Variants in DTNA observed in about 807,000 individuals in gnomAD.
The protein encoded by DTNA is dystrophin-related protein 3.
A neutral mutation model predicts 100.7 loss-of-function variants in DTNA; 43 were observed. The ratio of observed to expected loss-of-function variants is 0.43; its 90% CI spans 0.33 to 0.55. The LOEUF is 0.55. Ranked by LOEUF, DTNA falls within the 20% of genes least tolerant of loss-of-function variation. DTNA has a pLI of 0.04. For missense variants in DTNA, 798 were observed against 953.9 expected, an observed-to-expected ratio of 0.84 and a Z score of 2.15; for synonymous variants, 349 against 347.9, an observed-to-expected ratio of 1.00 and a Z score of -0.04.
At chr18:34,783,108 T>C (rs1004210595) in intron 3 of DTNA, among the ~76,000 whole-genome samples, 5 of 152,360 alleles carry the variant, frequency 3.3e-5, no homozygotes, top group East Asian at 3.9e-4. Context: ...TTAGTTATCA[T>C]TCAGATCTGT....
intron 1 of DTNA, among the ~76,000 whole-genome samples, chr18:34,580,338 TC>T (rs1325751028): frequency 6.6e-6 from 1 of 152,170 alleles, no homozygotes; most frequent in Non-Finnish European, 1.5e-5. Context: ...ATTTTTTATT[TC>T]ATAGTCACAT....
At chr18:34,807,907 G>A (rs1222557545) in intron 5 of DTNA, among the ~76,000 whole-genome samples, 1 of 140,680 alleles carries the variant, frequency 7.1e-6, no homozygotes, top group Non-Finnish European at 1.5e-5. Flanking sequence ...AGTAATCCTC[G>A]GGCATTTCCT....
chr18:34,606,839 CTG>C (rs2053221940), intron 1 of DTNA, among the ~76,000 whole-genome samples: 1 of 152,028 alleles, frequency 6.6e-6, no homozygotes, highest in South Asian at 2.1e-4. Flanking sequence ...AGGGTGAACT[CTG>C]AGGCTAAAAT....
chr18:34,634,172 C>T (rs960528081), intron 1 of DTNA, among the ~76,000 whole-genome samples: 60 of 152,200 alleles, frequency 3.9e-4, no homozygotes, highest in African/African-American at 1.4e-3. Context: ...TTTTTCATCA[C>T]GTTTTCTCGA....
chr18:34,886,996 G>A (rs1162107098), intron 22 of DTNA, among the ~76,000 whole-genome samples: 1 of 152,124 alleles, frequency 6.6e-6, no homozygotes, highest in African/African-American at 2.4e-5. Context: ...AAGTATATGT[G>A]TCTCTTATCC....
At chr18:34,533,586 T>A (rs1403664206) in intron 1 of DTNA, among the ~76,000 whole-genome samples, 1 of 152,010 alleles carries the variant, frequency 6.6e-6, no homozygotes, top group African/African-American at 2.4e-5. Context: ...AAGATTTGAG[T>A]TGAAGTGTTG....
chr18:34,781,267 AGAG>A (rs1160940680), intron 3 of DTNA, among the ~76,000 whole-genome samples: 2 of 152,224 alleles, frequency 1.3e-5, no homozygotes, highest in Non-Finnish European at 2.9e-5. Flanking sequence ...TAATTGAAAA[AGAG>A]TAGTATACAT....
chr18:34,561,063 A>G (rs2046590007), intron 1 of DTNA, among the ~76,000 whole-genome samples: 1 of 152,228 alleles, frequency 6.6e-6, no homozygotes, highest in African/African-American at 2.4e-5. Flanking sequence ...TGTTAATTAT[A>G]ATCTGCACAA....
rs542835016 is a variant in DTNA, at chr18:34,891,387, G to A, written c.*3653G>A. The A allele has an allele frequency of 6.6e-6, 1 of 152,582 alleles. No homozygotes were observed. The highest frequency in any genetic ancestry group is 2.1e-4 in the South Asian group (1 of 4,822). The allele number at this position is 152,582 out of a possible 1,614,324, so 9.5% of individuals were successfully genotyped here. On this transcript the variant is annotated 3_prime_UTR_variant, in exon 23 of 23. Transcript: ENST00000444659. ...TGGAATAATTTCTTCATTAAAAAAT[G>A]TTTTTAAAAACACTATATCTTGGGT...
intron 8 of DTNA, among the ~76,000 whole-genome samples, chr18:34,820,447 C>G (rs1392051567): frequency 6.6e-6 from 1 of 152,132 alleles, no homozygotes; most frequent in South Asian, 2.1e-4. Context: ...CTTTCCTCCC[C>G]AGAAGGGCTC....
chr18:34,778,990 T>TTTTTTA (rs1213105372), intron 3 of DTNA, among the ~76,000 whole-genome samples: 1 of 151,936 alleles, frequency 6.6e-6, no homozygotes, highest in African/African-American at 2.4e-5. Context: ...GCTAATTTTT[T>TTTTTTA]TTTTTGTATT....
At chr18:34,846,677 A>T (rs770956767) in intron 13 of DTNA, among the ~76,000 whole-genome samples, 2 of 152,138 alleles carry the variant, frequency 1.3e-5, no homozygotes, top group African/African-American at 2.4e-5. Flanking sequence ...AAAAAAAACA[A>T]ACCTGTTATA....
At chr18:34,864,410 C>CGCCCG (rs2096670374) in intron 17 of DTNA, among the ~76,000 whole-genome samples, 1 of 152,120 alleles carries the variant, frequency 6.6e-6, no homozygotes, top group East Asian at 1.9e-4. Flanking sequence ...CCCGCCACCG[C>CGCCCG]GCCCGGCTAA....
chr18:34,815,560 T>A (rs1427819891), intron 6 of DTNA: 2 of 276,130 alleles, frequency 7.2e-6, no homozygotes, highest in Non-Finnish European at 1.4e-5. Context: ...CTATGATGCG[T>A]TCTTGAGTAA....
chr18:34,753,978 C>T (rs2092594443), intron 1 of DTNA, among the ~76,000 whole-genome samples: 1 of 152,192 alleles, frequency 6.6e-6, no homozygotes, highest in Non-Finnish European at 1.5e-5. Context: ...TGACCATGTT[C>T]AGCAACAAAT....
intron 1 of DTNA, among the ~76,000 whole-genome samples, chr18:34,567,677 G>C (rs1173959553): frequency 6.6e-6 from 1 of 151,894 alleles, no homozygotes; most frequent in Admixed American, 6.6e-5. Flanking sequence ...CAATGTTATA[G>C]ATCTTAAAAA....
chr18:34,779,160 C>A (rs573783853), intron 3 of DTNA, among the ~76,000 whole-genome samples: 50 of 152,262 alleles, frequency 3.3e-4, no homozygotes, highest in African/African-American at 1.2e-3. Context: ...TAGCAAACAA[C>A]ACAACAATTT....
intron 1 of DTNA, among the ~76,000 whole-genome samples, chr18:34,543,132 C>T (rs1169473025): frequency 1.3e-5 from 2 of 151,908 alleles, no homozygotes; most frequent in Admixed American, 1.3e-4. Context: ...ATAAAATTTC[C>T]AGAAATAATA....
chr18:34,551,714 A>T (rs1335241360), intron 1 of DTNA, among the ~76,000 whole-genome samples: 1 of 152,156 alleles, frequency 6.6e-6, no homozygotes, highest in African/African-American at 2.4e-5. Flanking sequence ...GGCTAGGAAA[A>T]AGTATATCTT....
Sources: gnomAD v4.1 joint callset for allele counts (sites outside exome capture counted in the v4.1 genomes callset) on GRCh38, gnomAD v4.1.1 for gene constraint, MANE v1.5 for transcripts, NCBI Gene and HGNC (gene_info 2026-07-23, HGNC 2026-07-21) for gene names.